Variants in FNDC3B observed in about 807,000 individuals in gnomAD.
The protein encoded by FNDC3B is fibronectin type III domain-containing protein 3B.
Under a neutral mutation model 151.5 loss-of-function variants are expected in FNDC3B, and 12 were observed. That is an observed-to-expected ratio of 0.08 (90% confidence interval 0.05 to 0.13). The LOEUF is 0.13. Ranked by LOEUF, FNDC3B falls within the 10% of genes least tolerant of loss-of-function variation. FNDC3B has a pLI of 1.00. For missense variants in FNDC3B, 1,214 were observed against 1,505.3 expected (o/e 0.81, Z 3.20); for synonymous variants, 528 against 549.0 (o/e 0.96, Z 0.54).
intron 3 of FNDC3B, among the ~76,000 whole-genome samples, chr3:172,153,539 G>T (rs1013061258): frequency 7.9e-5 from 12 of 152,234 alleles, no homozygotes; most frequent in African/African-American, 2.9e-4. Context: ...GGAAGGAGCA[G>T]GCTGGGGGCA....
chr3:172,329,145 C>A, intron 12 of FNDC3B, 69 bp downstream of exon 12: 1 of 1,522,710 alleles, frequency 6.6e-7, no homozygotes, highest in South Asian at 1.2e-5. Flanking sequence ...TTTTACATAG[C>A]TGGAAGGCAT....
intron 1 of FNDC3B, among the ~76,000 whole-genome samples, chr3:172,055,009 T>A (rs1246634799): frequency 6.6e-6 from 1 of 152,218 alleles, no homozygotes; most frequent in East Asian, 1.9e-4. Context: ...TATTTCCTTA[T>A]ATTTCTTTAA....
At chr3:172,072,055 C>G (rs572940686) in intron 1 of FNDC3B, among the ~76,000 whole-genome samples, 3 of 150,826 alleles carry the variant, frequency 2.0e-5, no homozygotes, top group East Asian at 1.9e-4. Flanking sequence ...ATGTCGGAAA[C>G]TCATCCTTCA....
intron 4 of FNDC3B, among the ~76,000 whole-genome samples, chr3:172,229,882 G>A (rs1425391981): frequency 6.6e-6 from 1 of 152,298 alleles, no homozygotes; most frequent in African/African-American, 2.4e-5. Flanking sequence ...TTAAAAGAGA[G>A]AGGAACACCA....
intron 10 of FNDC3B, among the ~76,000 whole-genome samples, chr3:172,308,149 G>C (rs1203423852): frequency 6.6e-6 from 1 of 152,010 alleles, no homozygotes; most frequent in Non-Finnish European, 1.5e-5. Flanking sequence ...ACTTCATTAA[G>C]TTTCACTACT....
At position 172,352,129 on chromosome 3, in the gene FNDC3B, C is replaced by T. The variant is rs1355715617; in HGVS notation, c.2515-674C>T. Among the ~76,000 whole-genome samples the T allele has an allele frequency of 2.0e-5, 3 of 151,928 alleles. No homozygotes were observed. The highest frequency in any genetic ancestry group is 1.9e-4 in the East Asian group (1 of 5,184). ...TTAAGAGTTCAGGGGATGGTGGCAACCAGGAAAGGTGATTGAGAAGCAGCA... is the reference window on the plus strand; with the variant it reads ...TTAAGAGTTCAGGGGATGGTGGCAATCAGGAAAGGTGATTGAGAAGCAGCA... On this transcript the variant is annotated intron_variant, in intron 21 of 25. Coordinates refer to ENST00000415807, the MANE Select transcript of FNDC3B (RefSeq NM_022763.4). This position sits in a 1 kb window ranked among gnomAD's most constrained non-coding sequence, Gnocchi z 4.2.
chr3:172,253,319 T>G (rs980244585), intron 6 of FNDC3B, among the ~76,000 whole-genome samples: 2 of 152,210 alleles, frequency 1.3e-5, no homozygotes, highest in African/African-American at 2.4e-5. Flanking sequence ...ATATTTTGTT[T>G]TCAGCCTCCT....
chr3:172,199,204 C>T (rs1233633348), intron 3 of FNDC3B, among the ~76,000 whole-genome samples: 5 of 144,068 alleles, frequency 3.5e-5, no homozygotes, highest in East Asian at 2.1e-4. Context: ...TTTTTTGAGA[C>T]GGAGTCTCGC....
rs749527631 is a variant in FNDC3B at position 172,346,410 on chromosome 3, ACCT to A, written c.2335_2337del (p.Pro779del). 27 of 1,613,170 alleles carry A rather than the reference ACCT, an allele frequency of 1.7e-5. No homozygotes were observed. The highest frequency in any genetic ancestry group is 7.7e-5 in the South Asian group (7 of 91,004). On this transcript the variant is annotated inframe_deletion, in exon 20 of 26. Transcript: ENST00000415807. ...GCAAAGCACCTTGTATTTCTTGTAC[ACCT>A]GATGGATGTGTCTTAGTGGGTTGGG...
intron 6 of FNDC3B, among the ~76,000 whole-genome samples, chr3:172,281,761 C>G (rs1273284086): frequency 6.6e-6 from 1 of 152,104 alleles, no homozygotes; most frequent in Non-Finnish European, 1.5e-5. Context: ...GAAACAAAAA[C>G]CAGACAGAGT....
chr3:172,188,505 A>G (rs1049752091), intron 3 of FNDC3B, among the ~76,000 whole-genome samples: 2 of 151,826 alleles, frequency 1.3e-5, no homozygotes, highest in Non-Finnish European at 2.9e-5. Context: ...TTCTGGGTTC[A>G]AGCAATTCTC....
At chr3:172,270,031 G>A (rs1041990751) in intron 6 of FNDC3B, among the ~76,000 whole-genome samples, 6 of 152,190 alleles carry the variant, frequency 3.9e-5, no homozygotes, top group African/African-American at 1.4e-4. Context: ...TATTAATACT[G>A]TATACAAAAA....
At chr3:172,314,870 G>A (rs1731701092) in intron 11 of FNDC3B, among the ~76,000 whole-genome samples, 1 of 152,164 alleles carries the variant, frequency 6.6e-6, no homozygotes, top group Non-Finnish European at 1.5e-5. Flanking sequence ...CAGTACAGGG[G>A]AAATCTGATC....
intron 1 of FNDC3B, among the ~76,000 whole-genome samples, chr3:172,103,509 G>C (rs1559966914): frequency 6.6e-6 from 1 of 151,858 alleles, no homozygotes. Context: ...TTAAAATTAT[G>C]CCAAGCCAAA....
chr3:172,184,867 C>T (rs1724091180), intron 3 of FNDC3B, among the ~76,000 whole-genome samples: 1 of 152,170 alleles, frequency 6.6e-6, no homozygotes, highest in African/African-American at 2.4e-5. Flanking sequence ...TCACCAAGAA[C>T]TGCTAATTAG....
intron 8 of FNDC3B, among the ~76,000 whole-genome samples, chr3:172,297,720 C>T (rs577917514): frequency 2.0e-5 from 3 of 152,094 alleles, no homozygotes; most frequent in Admixed American, 6.5e-5. Flanking sequence ...GTGATCCGCC[C>T]TCCTTGGCCT....
chr3:172,133,220 A>C (rs1721195452), intron 2 of FNDC3B, among the ~76,000 whole-genome samples: 1 of 152,208 alleles, frequency 6.6e-6, no homozygotes, highest in Non-Finnish European at 1.5e-5. Flanking sequence ...TTCAAAGAAA[A>C]GTTTTCTTCA....
chr3:172,357,049 G>T (rs115101606), intron 22 of FNDC3B, among the ~76,000 whole-genome samples: 1 of 152,168 alleles, frequency 6.6e-6, no homozygotes, highest in African/African-American at 2.4e-5. Flanking sequence ...TTTAAAGTGC[G>T]TTGTAGAAGG....
At chr3:172,187,591 T>A (rs1724256133) in intron 3 of FNDC3B, among the ~76,000 whole-genome samples, 1 of 152,222 alleles carries the variant, frequency 6.6e-6, no homozygotes, top group Admixed American at 6.5e-5. Context: ...TAAACCAACT[T>A]CAATGAAGTG....
Sources: allele counts gnomAD v4.1 joint callset (sites outside exome capture counted in the v4.1 genomes callset), GRCh38; gene constraint gnomAD v4.1.1; non-coding constraint Gnocchi (gnomAD v3.1); transcripts MANE v1.5; gene names NCBI Gene and HGNC (gene_info 2026-07-23, HGNC 2026-07-21).